The following RMC1 variants were observed in gnomAD, a reference collection of about 807,000 sequenced individuals.
The protein encoded by RMC1 is regulator of MON1-CCZ1, also known as regulator of MON1-CCZ1 complex.
In RMC1, 44 loss-of-function variants were observed where a neutral mutation model predicts 95.5. The observed-to-expected ratio is 0.46, with a 90% confidence interval of 0.36 to 0.59. The LOEUF is 0.59. Among genes scored for constraint, RMC1 ranks in the 20% least tolerant of loss-of-function variants. RMC1 has a pLI of 0.00. For missense variants in RMC1, 705 were observed against 819.6 expected (o/e 0.86, Z 1.71); for synonymous variants, 320 against 303.6 (o/e 1.05, Z -0.56).
intron 19 of RMC1, chr18:23,531,406 C>T (rs572294182): frequency 6.6e-5 from 58 of 875,086 alleles, no homozygotes; most frequent in African/African-American, 2.5e-4. Flanking sequence ...CAATGTAAGA[C>T]GGCATTTAGT....
chr18:23,518,871 CT>C lies in RMC1; in HGVS notation c.654-18del. 2.5e-6 allele frequency: 4 copies of C among 1,610,740 alleles called. No homozygotes were observed. The highest frequency in any genetic ancestry group is 3.4e-6 in the Non-Finnish European group (4 of 1,177,078). On this transcript the variant is annotated intron_variant, in intron 7 of 19. Coordinates refer to ENST00000269221, the MANE Select transcript of RMC1 (RefSeq NM_013326.5). ...TTGAATGGCCAGATGTGATTTATGT[CT>C]GTTTGTTCCCTAATTAGATACGGGC...
chr18:23,514,241 C>T (rs1598861660), intron 5 of RMC1, among the ~76,000 whole-genome samples: 1 of 152,324 alleles, frequency 6.6e-6, no homozygotes, highest in Non-Finnish European at 1.5e-5. Context: ...ACTGGCTGGG[C>T]ACGGTGGCTC....
intron 10 of RMC1, among the ~76,000 whole-genome samples, chr18:23,521,965 C>T (rs1251721179): frequency 3.9e-5 from 6 of 152,186 alleles, no homozygotes. Context: ...TCAGATGGCT[C>T]ACATTTGGAA....
chr18:23,504,640 C>G (rs776609008), intron 2 of RMC1, 193 bp downstream of exon 2: 4 of 500,490 alleles, frequency 8.0e-6, no homozygotes, highest in Non-Finnish European at 1.4e-5. Context: ...AGTGGAATAT[C>G]TGGAGCAGTT....
At chr18:23,512,876 A>G (rs899121581) in intron 5 of RMC1, among the ~76,000 whole-genome samples, 15 of 152,148 alleles carry the variant, frequency 9.9e-5, no homozygotes, top group Admixed American at 7.2e-4. Context: ...TGTGAAACCA[A>G]AACTATCCAG....
rs1257915961 is a variant in RMC1 at position 23,504,456 on chromosome 18, A to G, written c.179+9A>G. On this transcript the variant is annotated intron_variant, in intron 2 of 19. Transcript: ENST00000269221. ...AATCCCATCTCATTTAGGTAATGGTATAGACACTTTCAGATCATTTTGTCA... is the reference window on the plus strand; with the variant it reads ...AATCCCATCTCATTTAGGTAATGGTGTAGACACTTTCAGATCATTTTGTCA... 3 of 1,596,796 alleles carry G rather than the reference A, an allele frequency of 1.9e-6. No individual in the cohort carries two copies. The highest frequency in any genetic ancestry group is 1.1e-5 in the South Asian group (1 of 90,764).
intron 14 of RMC1, chr18:23,528,390 T>C (rs2058371454): frequency 6.5e-6 from 1 of 154,668 alleles, no homozygotes; most frequent in South Asian, 2.0e-4. Flanking sequence ...CCATGGCTTA[T>C]CGCCACCAAT....
chr18:23,527,589 CTTTTTTTTTTT>C lies in RMC1; in HGVS notation c.1190-194_1190-184del, dbSNP rs71163615. 1.4e-4 allele frequency among the ~76,000 whole-genome samples: 15 copies of C among 108,358 alleles called. No homozygotes were observed. In the East Asian group the frequency reaches 1.8e-3, roughly 13 times the overall value. 71.1% of individuals were successfully genotyped at this position (108,358 alleles called of 152,430 possible). A position where few individuals can be genotyped will look rare whatever the true frequency, so the allele number is the denominator to read the frequency against. ...TGCCACTGAGCCTGGCCTGCTATAG[CTTTTTTTTTTT>C]TTTTTTTTTTTAACCGTAACCAGAA... is the stretch of plus-strand genomic sequence containing the variant. On this transcript the variant is annotated intron_variant, in intron 13 of 19. Coordinates refer to ENST00000269221, the MANE Select transcript of RMC1 (RefSeq NM_013326.5).
Position 23,529,253 on chromosome 18 carries a change from G to A in RMC1, c.1371G>A (p.Gln457=). The change falls in exon 15 of 20, where the codon CAG becomes CAA. Residue 457 remains glutamine, a synonymous_variant. Coordinates refer to ENST00000269221, the MANE Select transcript of RMC1 (RefSeq NM_013326.5). ...TGCGGACCCAGGCGGTGCTGGACCA[G>A]TCAGATGTGTACACCCATGTCCTGT... ...RPVRTQAVLD[Q]SDVYTHVLSA... is the part of the protein sequence containing the mutation. 6.2e-7 allele frequency: 1 copy of A among 1,614,072 alleles called. No homozygotes were observed. Among genetic ancestry groups the A allele is most frequent in the Non-Finnish European group, 8.5e-7 (1 of 1,180,038 alleles).
chr18:23,518,944 C>T lies in RMC1; in HGVS notation c.708C>T (p.Ser236=). The change falls in exon 8 of 20, where the codon AGC becomes AGT. Residue 236 remains serine (S), a synonymous_variant. Coordinates refer to ENST00000269221, the MANE Select transcript of RMC1 (RefSeq NM_013326.5). The stretch of plus-strand genomic sequence containing the variant: ...GGCATCATTCTCGGACCTCCAACAG[C>T]ACAGGAGCGGAGGTGGTCCTCTATC... ...FLRHHSRTSN[S]TGAEVVLYHL... 6.2e-7 allele frequency: 1 copy of T among 1,614,180 alleles called. No individual in the cohort carries two copies. Among genetic ancestry groups the T allele is most frequent in the South Asian group, 1.1e-5 (1 of 91,086 alleles).
At chr18:23,504,909 C>T (rs567801749) in intron 2 of RMC1, among the ~76,000 whole-genome samples, 4 of 152,176 alleles carry the variant, frequency 2.6e-5, no homozygotes, top group African/African-American at 9.7e-5. Context: ...TAATGATCAA[C>T]AGCAGGGCCT....
intron 7 of RMC1, 48 bp from the exon 8 acceptor site, chr18:23,518,842 A>C (rs773357626): frequency 1.3e-6 from 2 of 1,554,976 alleles, no homozygotes; most frequent in African/African-American, 2.7e-5. Flanking sequence ...AGAACAAAGG[A>C]ATTTTGAATG....
At chr18:23,514,312 C>T (rs1398921362) in intron 5 of RMC1, among the ~76,000 whole-genome samples, 4 of 152,294 alleles carry the variant, frequency 2.6e-5, no homozygotes, top group Non-Finnish European at 5.9e-5. Context: ...GTCAGGAGTT[C>T]GAGACCAGCC....
At chr18:23,516,691 T>C (rs964034188) in intron 7 of RMC1, among the ~76,000 whole-genome samples, 52 of 151,746 alleles carry the variant, frequency 3.4e-4, no homozygotes, top group African/African-American at 1.3e-3. Flanking sequence ...TTGAACCAAT[T>C]TATTTCTTAG....
Position 23,529,661 on chromosome 18 carries a change from C to T in RMC1, c.1443C>T (p.Ala481=), listed in dbSNP as rs768318483. 16 of 1,613,868 alleles carry T rather than the reference C, an allele frequency of 9.9e-6. No homozygotes were observed. The highest frequency in any genetic ancestry group is 8.0e-5 in the African/African-American group (6 of 74,858). ...KKEMPHKFVI[A]VLMEYIRSLN... Reference sequence around the variant, plus strand: ...AGATGCCTCATAAATTTGTGATAGCCGTGCTGATGGAATACATTCGTTCTC... The same window carrying T: ...AGATGCCTCATAAATTTGTGATAGCTGTGCTGATGGAATACATTCGTTCTC... The change falls in exon 16 of 20, where the codon GCC becomes GCT. Residue 481 remains alanine, a synonymous_variant. Transcript: ENST00000269221.
In RMC1 at chr18:23,529,314, C is replaced by G. The variant is rs540779479; in HGVS notation, c.1416+16C>G. The G allele has an allele frequency of 2.5e-6, 4 of 1,602,944 alleles. No homozygotes were observed. In the African/African-American group the frequency reaches 4.0e-5, roughly 16 times the overall value. ...GGAAAAGAAGGTGGGCTGCAGCTTT[C>G]CGCCTCTTCTGGACTGAGAATGCTC... On this transcript the variant is annotated intron_variant, in intron 15 of 19. Transcript: ENST00000269221.
chr18:23,526,903 G>A (rs2058313764), intron 13 of RMC1, 138 bp downstream of exon 13: 2 of 1,178,890 alleles, frequency 1.7e-6, no homozygotes, highest in Admixed American at 4.9e-5. Flanking sequence ...GGGTGGCTAT[G>A]TGACCCCCTA....
chr18:23,508,407 G>GT (rs1209732885), intron 4 of RMC1, among the ~76,000 whole-genome samples: 1 of 152,184 alleles, frequency 6.6e-6, no homozygotes, highest in Non-Finnish European at 1.5e-5. Context: ...CTGGTGAGGA[G>GT]TTTCTTTTTC....
At chr18:23,525,613 C>T (rs1333385714) in intron 12 of RMC1, among the ~76,000 whole-genome samples, 4 of 151,982 alleles carry the variant, frequency 2.6e-5, no homozygotes, top group East Asian at 1.9e-4. Flanking sequence ...TTAGTAGATA[C>T]GGGGTTTCAC....
Sources: gnomAD v4.1 joint callset for allele counts (sites outside exome capture counted in the v4.1 genomes callset) on GRCh38, gnomAD v4.1.1 for gene constraint, MANE v1.5 for transcripts, NCBI Gene and HGNC (gene_info 2026-07-23, HGNC 2026-07-21) for gene names.